Variants in P2RX5 observed in about 807,000 individuals in gnomAD.
P2RX5 encodes the protein P2X purinoceptor 5.
P2RX5 carries 46 observed loss-of-function variants against 54.1 expected under a neutral mutation model. The ratio of observed to expected loss-of-function variants is 0.85; its 90% CI spans 0.67 to 1.09. The LOEUF is 1.09. P2RX5 is among the 50% of genes least tolerant of loss of function. P2RX5 has a pLI of 0.00. For synonymous variants in P2RX5, 226 were observed against 226.4 expected, an observed-to-expected ratio of 1.00 and a Z score of 0.02; for missense variants, 566 against 549.8, an observed-to-expected ratio of 1.03 and a Z score of -0.29.
chr17:3,711,386 T>C, the P2RX5 span, among the ~76,000 whole-genome samples: 1 of 126,010 alleles, frequency 7.9e-6, no homozygotes, highest in Non-Finnish European at 1.7e-5. Flanking sequence ...TTTTTTTTTT[T>C]TTTTTTTTTT....
intron 1 of P2RX5, among the ~76,000 whole-genome samples, chr17:3,695,013 T>C (rs2050716907): frequency 6.6e-6 from 1 of 152,116 alleles, no homozygotes; most frequent in Admixed American, 6.5e-5. Context: ...GGGATGCAGC[T>C]CAGAGAACGC....
intron 1 of P2RX5, among the ~76,000 whole-genome samples, chr17:3,692,199 C>T (rs1188268705): frequency 1.5e-4 from 23 of 151,472 alleles, no homozygotes; most frequent in African/African-American, 4.9e-5. Flanking sequence ...CGCCTGTAGT[C>T]CCAGCTACTC....
At chr17:3,698,976 C>T (rs944742013), upstream of P2RX5, among the ~76,000 whole-genome samples, 9 of 151,832 alleles carry the variant, frequency 5.9e-5, no homozygotes, top group African/African-American at 2.2e-4. Context: ...GAGGCTGAAG[C>T]AGCAGAACCG....
chr17:3,676,374 A>C (rs2050105238), intron 11 of P2RX5: 1 of 985,228 alleles, frequency 1.0e-6, no homozygotes, highest in African/African-American at 1.7e-5. Flanking sequence ...AAAATCAGGG[A>C]GCCTCCTGCA....
upstream of P2RX5, among the ~76,000 whole-genome samples, chr17:3,698,658 GGCTCT>G (rs2050795966): frequency 1.3e-5 from 2 of 152,066 alleles, no homozygotes; most frequent in South Asian, 4.2e-4. Flanking sequence ...TTTAGAGAAG[GGCTCT>G]GCTCTGACTT....
chr17:3,675,697 A>G lies in P2RX5; in HGVS notation c.1260-1820T>C, dbSNP rs2050087335. On this transcript the variant is annotated intron_variant, in intron 11 of 11. Coordinates refer to ENST00000225328, the MANE Select transcript of P2RX5 (RefSeq NM_002561.4). ...CTCCCGAGTAGCTGGGACTACAGGC[A>G]TGTGGACACCATGCCCGGCTAATTT... 10 of 588,562 alleles carry G rather than the reference A, an allele frequency of 1.7e-5. No individual in the cohort carries two copies. In the South Asian group the frequency reaches 7.5e-4, roughly 44 times the overall value. 36.5% of individuals were successfully genotyped at this position (588,562 alleles called of 1,614,324 possible).
At chr17:3,674,141 C>T (rs2050044901) in intron 11 of P2RX5, among the ~76,000 whole-genome samples, 1 of 152,056 alleles carries the variant, frequency 6.6e-6, no homozygotes, top group Admixed American at 6.5e-5. Flanking sequence ...AGTGAAACCC[C>T]GTCTCTACTA....
At chr17:3,704,477 C>G in the P2RX5 span, among the ~76,000 whole-genome samples, 1 of 152,176 alleles carries the variant, frequency 6.6e-6, no homozygotes, top group South Asian at 2.1e-4. Context: ...CATTACTGAT[C>G]CACTTAAATG....
rs1555570392 is a variant in P2RX5, at chr17:3,691,803, A to C, written c.138-9T>G. On this transcript the variant is annotated splice_polypyrimidine_tract_variant and intron_variant, in intron 1 of 11. Transcript: ENST00000225328. ...TTATCAGGAACACCCATCTGTGGGA[A>C]GGGGGCCGGTACGTGGGCATCAGCC... 1 of 1,613,996 alleles carries C rather than the reference A, an allele frequency of 6.2e-7. No individual in the cohort carries two copies. The highest frequency in any genetic ancestry group is 8.5e-7 in the Non-Finnish European group (1 of 1,179,986).
At chr17:3,690,890 G>C (rs2050595734) in intron 3 of P2RX5, 66 bp downstream of exon 3, 4 of 1,415,238 alleles carry the variant, frequency 2.8e-6, no homozygotes, top group South Asian at 1.2e-5. Flanking sequence ...CTTCAGAAGA[G>C]AGTAGACCCC....
At position 3,681,982 on chromosome 17, in the gene P2RX5, C is replaced by A; in HGVS notation, c.982-4G>T. ...CCAGGTCGCAGAAGAAAGCACCCTG[C>A]AAAACAGGGGTTCCTGATTCAGAAT... On this transcript the variant is annotated splice_region_variant and splice_polypyrimidine_tract_variant and intron_variant, in intron 9 of 11. Coordinates refer to ENST00000225328, the MANE Select transcript of P2RX5 (RefSeq NM_002561.4). 6.2e-7 allele frequency: 1 copy of A among 1,602,956 alleles called. No homozygotes were observed. Among genetic ancestry groups the A allele is most frequent in the Non-Finnish European group, 8.5e-7 (1 of 1,170,076 alleles).
the P2RX5 span, among the ~76,000 whole-genome samples, chr17:3,701,812 G>A: frequency 6.9e-6 from 1 of 144,964 alleles, no homozygotes; most frequent in Non-Finnish European, 1.5e-5. Context: ...CTGGAGTGCA[G>A]TGGTGCAATC....
At chr17:3,676,784 G>A (rs222767) in intron 11 of P2RX5, 94,525 of 216,320 alleles carry the variant, frequency 0.44, 22,896 homozygotes, top group African/African-American at 0.63. Flanking sequence ...AGGCTTGGCC[G>A]GGTTTGGTGG....
At chr17:3,709,220 C>G in the P2RX5 span, among the ~76,000 whole-genome samples, 1 of 151,920 alleles carries the variant, frequency 6.6e-6, no homozygotes, top group African/African-American at 2.4e-5. Flanking sequence ...CCAAAGTGCC[C>G]GGCTCAGAAT....
chr17:3,716,950 C>T, the P2RX5 span: 1 of 583,166 alleles, frequency 1.7e-6, no homozygotes, highest in African/African-American at 1.9e-5. Context: ...CTAGATATTC[C>T]CTGATGCAGC....
the P2RX5 span, chr17:3,723,596 A>C: frequency 7.5e-7 from 1 of 1,331,588 alleles, no homozygotes; most frequent in East Asian, 2.5e-5. Context: ...ACTGGCCGGC[A>C]GGGGTAACCC....
In P2RX5 at chr17:3,689,561, G is replaced by A. The variant is rs770011603; in HGVS notation, c.684C>T (p.Tyr228=). ...CGGAGCCCAGTCGGAAGATGGGGCA[G>A]TAGTGGTTCTTGGGGCCAAAGTGGC... The part of the protein sequence containing the change: ...KSCHFGPKNH[Y]CPIFRLGSVI... The change falls in exon 7 of 12, where the codon TAC becomes TAT. Residue 228 remains tyrosine, a synonymous_variant. Transcript: ENST00000225328. 6.2e-7 allele frequency: 1 copy of A among 1,614,232 alleles called. No individual in the cohort carries two copies. The highest frequency in any genetic ancestry group is 8.5e-7 in the Non-Finnish European group (1 of 1,180,026).
intron 11 of P2RX5, chr17:3,675,955 C>G: frequency 2.0e-6 from 2 of 985,430 alleles, no homozygotes; most frequent in Non-Finnish European, 2.4e-6. Context: ...GGTTCCTGTT[C>G]TGGAGACCAT....
chr17:3,706,769 G>A, the P2RX5 span, among the ~76,000 whole-genome samples: 9 of 152,118 alleles, frequency 5.9e-5, no homozygotes, highest in African/African-American at 2.2e-4. Context: ...CCACCACCAC[G>A]CCCGGCTAAT....
Sources: gnomAD v4.1 joint callset for allele counts (sites outside exome capture counted in the v4.1 genomes callset) on GRCh38, gnomAD v4.1.1 for gene constraint, MANE v1.5 for transcripts, NCBI Gene and HGNC (gene_info 2026-07-23, HGNC 2026-07-21) for gene names.